Variants in MLLT10 observed in about 807,000 individuals in gnomAD.
MLLT10 encodes MLLT10 histone lysine methyltransferase DOT1L cofactor, also known as protein AF-10.
MLLT10 carries 30 observed loss-of-function variants against 129.1 expected under a neutral mutation model. The observed-to-expected ratio is 0.23, with a 90% confidence interval of 0.17 to 0.32. MLLT10 has a LOEUF of 0.32. Among genes scored for constraint, MLLT10 ranks in the 10% least tolerant of loss-of-function variants. MLLT10 has a pLI of 1.00. For missense variants in MLLT10, 1,119 were observed against 1,268.3 expected (o/e 0.88, Z 1.79); for synonymous variants, 490 against 446.4 (o/e 1.10, Z -1.23).
chr10:21,536,973 G>T (rs1335791220), intron 2 of MLLT10, among the ~76,000 whole-genome samples: 1 of 151,998 alleles, frequency 6.6e-6, no homozygotes, highest in Non-Finnish European at 1.5e-5. Flanking sequence ...TTTTAGTAGA[G>T]ATGGGGTTTC....
At chr10:21,567,041 G>A (rs1367058545) in intron 3 of MLLT10, among the ~76,000 whole-genome samples, 1 of 151,916 alleles carries the variant, frequency 6.6e-6, no homozygotes, top group Non-Finnish European at 1.5e-5. Context: ...TCGAACTTCC[G>A]ACTTGAGGTG....
intron 3 of MLLT10, among the ~76,000 whole-genome samples, chr10:21,570,186 G>A (rs1274349162): frequency 1.3e-5 from 2 of 152,116 alleles, no homozygotes; most frequent in Non-Finnish European, 2.9e-5. Flanking sequence ...TGGGATTACA[G>A]GCGTGAGCCA....
intron 9 of MLLT10, among the ~76,000 whole-genome samples, chr10:21,655,607 C>T (rs905504841): frequency 1.3e-5 from 2 of 152,106 alleles, no homozygotes; most frequent in Non-Finnish European, 2.9e-5. Context: ...ACTAGAGGGC[C>T]TGTAGTTTGC....
chr10:21,594,719 C>T (rs1432876694), intron 4 of MLLT10, among the ~76,000 whole-genome samples: 2 of 147,902 alleles, frequency 1.4e-5, no homozygotes, highest in African/African-American at 2.5e-5. Context: ...TCTTTAATAC[C>T]TTCAGTCGGG....
At chr10:21,735,353 G>C in intron 21 of MLLT10, 118 bp downstream of exon 21, 1 of 860,838 alleles carries the variant, frequency 1.2e-6, no homozygotes, top group Non-Finnish European at 1.8e-6. Context: ...AATCAAAAAA[G>C]TTTTTCTTGC....
chr10:21,583,641 AC>A (rs2131082556), intron 3 of MLLT10, among the ~76,000 whole-genome samples: 1 of 152,306 alleles, frequency 6.6e-6, no homozygotes, highest in African/African-American at 2.4e-5. Flanking sequence ...CAGGAGTGTC[AC>A]ATGGTGAGAG....
rs977192694 is a variant in MLLT10, at chr10:21,553,837, A to G, written c.240+14925A>G. 4.6e-5 allele frequency among the ~76,000 whole-genome samples: 7 copies of G among 151,754 alleles called. No individual in the cohort carries two copies. In the East Asian group the frequency reaches 1.4e-3, roughly 29 times the overall value. The stretch of plus-strand genomic sequence containing the variant: ...GCTAATTTTTGTATTTTTAGTAGAG[A>G]TGAGGTTTCACCATGTTGGCCAGGC... On this transcript the variant is annotated intron_variant, in intron 3 of 22. Coordinates refer to ENST00000307729, the MANE Select transcript of MLLT10 (RefSeq NM_001195626.3).
At chr10:21,550,828 G>A (rs948491041) in intron 3 of MLLT10, among the ~76,000 whole-genome samples, 7 of 151,694 alleles carry the variant, frequency 4.6e-5, no homozygotes, top group Non-Finnish European at 8.8e-5. Flanking sequence ...TATGGCGTCC[G>A]GCCTTATTTA....
At chr10:21,618,622 G>A (rs2045503193) in intron 8 of MLLT10, among the ~76,000 whole-genome samples, 1 of 151,982 alleles carries the variant, frequency 6.6e-6, no homozygotes, top group African/African-American at 2.4e-5. Context: ...ATAACTTAGG[G>A]CTGTTGTTTG....
At chr10:21,710,268 A>G (rs544025582) in intron 13 of MLLT10, among the ~76,000 whole-genome samples, 1 of 152,276 alleles carries the variant, frequency 6.6e-6, no homozygotes, top group South Asian at 2.1e-4. Flanking sequence ...TAAGTAAAAT[A>G]CTTATGGGGC....
chr10:21,572,745 T>C (rs2040346130), intron 3 of MLLT10, among the ~76,000 whole-genome samples: 1 of 152,116 alleles, frequency 6.6e-6, no homozygotes, highest in Admixed American at 6.6e-5. Flanking sequence ...CCCAAGGAGC[T>C]GGGATTACAG....
At chr10:21,540,406 A>G (rs1564368276) in intron 3 of MLLT10, among the ~76,000 whole-genome samples, 1 of 151,510 alleles carries the variant, frequency 6.6e-6, no homozygotes, top group Non-Finnish European at 1.5e-5. Context: ...AAAAAAAAAA[A>G]TTAGTTGGGC....
intron 3 of MLLT10, chr10:21,572,120 T>G (rs1307332555): frequency 6.6e-6 from 1 of 152,212 alleles, no homozygotes; most frequent in Non-Finnish European, 1.5e-5. Context: ...GGTTTGAGTA[T>G]TTTGCATATG....
chr10:21,665,309 G>GT (rs1395061329), intron 9 of MLLT10, among the ~76,000 whole-genome samples: 6 of 141,304 alleles, frequency 4.2e-5, no homozygotes, highest in Admixed American at 3.5e-4. Context: ...TTTGGGGGGG[G>GT]GGGGGTTTCA....
chr10:21,671,643 G>T (rs749955759), intron 10 of MLLT10, among the ~76,000 whole-genome samples: 1 of 152,170 alleles, frequency 6.6e-6, no homozygotes, highest in Non-Finnish European at 1.5e-5. Context: ...AAATTAGCCA[G>T]GCATGGTGGC....
rs1042575008 is a variant in MLLT10, at chr10:21,683,752, G to GT, written c.1699+1506dup. On this transcript the variant is annotated intron_variant, in intron 13 of 22. Coordinates refer to ENST00000307729, the MANE Select transcript of MLLT10 (RefSeq NM_001195626.3). The stretch of plus-strand genomic sequence containing the variant: ...CGAAATTTTTTGTGTTTGGGGTTTT[G>GT]TTTTTTTTTTTGAGACGGAGTTTTG... Among the ~76,000 whole-genome samples the GT allele has an allele frequency of 4.2e-3, 600 of 143,884 alleles. 1 individual carries two copies. Among genetic ancestry groups the GT allele is most frequent in the African/African-American group, 9.5e-3 (378 of 39,582 alleles). 94.4% of individuals were successfully genotyped at this position (143,884 alleles called of 152,430 possible). A position where few individuals can be genotyped will look rare whatever the true frequency, so the allele number is the denominator to read the frequency against.
rs1217319107 is a variant in MLLT10, at chr10:21,681,338, C to T, written c.1628C>T (p.Ser543Phe). The change falls in exon 12 of 23, where the codon TCC becomes TTC. Residue 543 changes from serine to phenylalanine, a missense_variant. Around this residue, in one of 5 missense-constraint regions of MLLT10, gnomAD observed 1,004 missense variants for 1,008.7 expected, o/e 1.00. Transcript: ENST00000307729. ...VGSSPVGSEI[S>F]MQYRHDGACP... ...TTTTCCTTCCTCTCAACAGAAATTT[C>T]CATGCAGTATCGGCATGATGGAGCT... is the stretch of plus-strand genomic sequence containing the variant. The T allele has an allele frequency of 1.9e-6, 3 of 1,612,454 alleles. No individual in the cohort carries two copies. The highest frequency in any genetic ancestry group is 2.5e-6 in the Non-Finnish European group (3 of 1,179,640).
At position 21,586,313 on chromosome 10, in the gene MLLT10, A is replaced by G; in HGVS notation, c.260A>G (p.His87Arg). 2.5e-6 allele frequency: 4 copies of G among 1,581,850 alleles called. No homozygotes were observed. The highest frequency in any genetic ancestry group is 3.4e-6 in the Non-Finnish European group (4 of 1,163,648). Residue 87 changes from histidine to arginine, a missense_variant, in exon 4 of 23, where the codon CAT becomes CGT. Around this residue, in one of 5 missense-constraint regions of MLLT10, gnomAD observed 3 missense variants for 42.3 expected, o/e 0.07. Coordinates refer to ENST00000307729, the MANE Select transcript of MLLT10 (RefSeq NM_001195626.3). Reference sequence around the variant, plus strand: ...TTATAGAGATGTGAACTTTGTCCCCATAAGGATGGAGCTTTAAAAAGAACA... The same window carrying G: ...TTATAGAGATGTGAACTTTGTCCCCGTAAGGATGGAGCTTTAAAAAGAACA... The part of the protein sequence containing the change: ...AARVRCELCP[H>R]KDGALKRTDN...
chr10:21,641,187 T>G (rs2047963260), intron 8 of MLLT10, among the ~76,000 whole-genome samples: 1 of 152,170 alleles, frequency 6.6e-6, no homozygotes, highest in African/African-American at 2.4e-5. Context: ...TGTCTCTACC[T>G]CATTTTAGCC....
Sources: allele counts gnomAD v4.1 joint callset (sites outside exome capture counted in the v4.1 genomes callset), GRCh38; gene constraint gnomAD v4.1.1; regional missense constraint gnomAD v4.1.1; transcripts MANE v1.5; gene names NCBI Gene and HGNC (gene_info 2026-07-23, HGNC 2026-07-21).